Variants in RMDN2 observed in about 807,000 individuals in gnomAD.
The protein encoded by RMDN2 is regulator of microtubule dynamics protein 2.
RMDN2 carries 61 observed loss-of-function variants against 52.8 expected under a neutral mutation model. That is an observed-to-expected ratio of 1.16 (90% CI 0.94 to 1.43). RMDN2 has a LOEUF of 1.43. RMDN2 is among the 40% of genes most tolerant of loss of function. The pLI is 0.00. For missense variants in RMDN2, 592 were observed against 475.3 expected (o/e 1.25, Z -2.28); for synonymous variants, 180 against 153.1 (o/e 1.18, Z -1.30).
At chr2:37,979,744 T>C (rs1673058818) in intron 4 of RMDN2, among the ~76,000 whole-genome samples, 1 of 152,244 alleles carries the variant, frequency 6.6e-6, no homozygotes, top group Non-Finnish European at 1.5e-5. Context: ...CTAGTTTGTA[T>C]ACTACCCGGC....
chr2:37,929,255 A>G lies in RMDN2; in HGVS notation c.-16-7A>G. ...ACATTCATTTACATTTATGTTTTTA[A>G]TTTTAGAAACGAAAACCAAGAAATG... On this transcript the variant is annotated splice_region_variant and splice_polypyrimidine_tract_variant and intron_variant, in intron 1 of 10. Transcript: ENST00000354545. The G allele has an allele frequency of 6.9e-7, 1 of 1,445,558 alleles. No homozygotes were observed. The highest frequency in any genetic ancestry group is 9.3e-7 in the Non-Finnish European group (1 of 1,079,392). The allele number at this position is 1,445,558 out of a possible 1,614,324, so 89.5% of individuals were successfully genotyped here. A position where few individuals can be genotyped will look rare whatever the true frequency, so the allele number is the denominator to read the frequency against.
At chr2:38,024,481 C>T (rs80222733) in intron 10 of RMDN2, among the ~76,000 whole-genome samples, 1,707 of 152,176 alleles carry the variant, frequency 0.011, 24 homozygotes, top group African/African-American at 0.035. Context: ...CTGCACTAGG[C>T]ATGTAGTATA....
At position 37,961,570 on chromosome 2, in the gene RMDN2, G is replaced by A. The variant is rs140293976; in HGVS notation, c.453-12470G>A. Among the ~76,000 whole-genome samples the A allele has an allele frequency of 3.5e-3, 538 of 151,964 alleles. 3 individuals carry two copies. The highest frequency in any genetic ancestry group is 0.022 in the East Asian group (114 of 5,120). On this transcript the variant is annotated intron_variant, in intron 2 of 10. Transcript: ENST00000354545. ...ATTTATGTTCTTCCCTAAACTGGTT[G>A]TTCTAGTTAGCAATTCCTGTAATCT...
At chr2:37,961,217 G>A (rs954027570) in intron 2 of RMDN2, among the ~76,000 whole-genome samples, 1 of 152,024 alleles carries the variant, frequency 6.6e-6, no homozygotes, top group Admixed American at 6.5e-5. Context: ...TGTATTTTCC[G>A]AATTTGAGTG....
Position 38,017,609 on chromosome 2 carries a change from G to T in RMDN2, c.*370G>T, listed in dbSNP as rs1293825195. ...TAAGACAAAATAATTTCATTAATGT[G>T]GATGAAAAATGGAAAACTCAGCAAA... is the stretch of plus-strand genomic sequence containing the variant. On this transcript the variant is annotated 3_prime_UTR_variant, in exon 11 of 11. Coordinates refer to ENST00000354545, the MANE Select transcript of RMDN2 (RefSeq NM_001170791.3). 8.2e-7 allele frequency: 1 copy of T among 1,217,688 alleles called. No homozygotes were observed. Among genetic ancestry groups the T allele is most frequent in the African/African-American group, 1.6e-5 (1 of 63,232 alleles). The allele number at this position is 1,217,688 out of a possible 1,614,324, so 75.4% of individuals were successfully genotyped here. A position where few individuals can be genotyped will look rare whatever the true frequency, so the allele number is the denominator to read the frequency against.
intron 10 of RMDN2, among the ~76,000 whole-genome samples, chr2:38,054,477 A>C (rs1461323807): frequency 6.6e-6 from 1 of 152,266 alleles, no homozygotes; most frequent in Non-Finnish European, 1.5e-5. Context: ...TACACATCAT[A>C]GGTGATGCAT....
intron 10 of RMDN2, among the ~76,000 whole-genome samples, chr2:38,058,590 A>G (rs553416875): frequency 6.6e-6 from 1 of 152,298 alleles, no homozygotes; most frequent in Non-Finnish European, 1.5e-5. Context: ...AACATAAGGA[A>G]CCATAGCTTT....
Position 38,033,639 on chromosome 2 carries a change from A to T in RMDN2, c.1713+29423A>T, listed in dbSNP as rs572119765. On this transcript the variant is annotated intron_variant, in intron 10 of 10. Coordinates refer to the RMDN2 transcript ENST00000234195. ...CGCATAGATTAAAAGACTACATCTGATCTTGCTTCTGTGTTTTCATAGGGC... is the reference window on the plus strand; with the variant it reads ...CGCATAGATTAAAAGACTACATCTGTTCTTGCTTCTGTGTTTTCATAGGGC... 1.2e-4 allele frequency among the ~76,000 whole-genome samples: 19 copies of T among 152,350 alleles called. No homozygotes were observed. In the East Asian group the frequency reaches 3.7e-3, roughly 29 times the overall value.
intron 10 of RMDN2, among the ~76,000 whole-genome samples, chr2:38,057,231 A>G (rs1207854671): frequency 6.6e-6 from 1 of 152,232 alleles, no homozygotes; most frequent in African/African-American, 2.4e-5. Context: ...TAAATATTTC[A>G]GGCTTTGCAG....
chr2:37,963,661 AG>A (rs2125027098), intron 2 of RMDN2, among the ~76,000 whole-genome samples: 1 of 152,354 alleles, frequency 6.6e-6, no homozygotes, highest in East Asian at 1.9e-4. Context: ...CAGCATCCCA[AG>A]GCAGAAGAAT....
intron 2 of RMDN2, among the ~76,000 whole-genome samples, chr2:37,944,995 C>G (rs775978523): frequency 6.6e-6 from 1 of 152,242 alleles, no homozygotes; most frequent in South Asian, 2.1e-4. Flanking sequence ...TTTTTAGTAG[C>G]AGTACACCTT....
At chr2:38,037,208 A>AT (rs755126041) in intron 10 of RMDN2, among the ~76,000 whole-genome samples, 5 of 152,176 alleles carry the variant, frequency 3.3e-5, no homozygotes, top group Non-Finnish European at 5.9e-5. Flanking sequence ...TCTATGCAAG[A>AT]TTTTGTAAGG....
At chr2:38,029,075 T>A (rs1342872481) in intron 10 of RMDN2, among the ~76,000 whole-genome samples, 17 of 151,992 alleles carry the variant, frequency 1.1e-4, no homozygotes, top group Admixed American at 1.1e-3. Flanking sequence ...ACAGCAATAT[T>A]TTCCCACCTT....
chr2:37,977,566 G>A (rs1015246026), intron 4 of RMDN2, among the ~76,000 whole-genome samples: 2 of 151,786 alleles, frequency 1.3e-5, no homozygotes, highest in Admixed American at 6.6e-5. Flanking sequence ...GTTCCCAGAT[G>A]GGGCGGCTGC....
intron 2 of RMDN2, among the ~76,000 whole-genome samples, chr2:37,934,238 G>A (rs1054591613): frequency 6.6e-6 from 1 of 152,190 alleles, no homozygotes; most frequent in Non-Finnish European, 1.5e-5. Flanking sequence ...ACAAAAACTT[G>A]AGTGGAGGAC....
chr2:37,946,163 T>C (rs1257560874), intron 2 of RMDN2, among the ~76,000 whole-genome samples: 4 of 152,240 alleles, frequency 2.6e-5, no homozygotes, highest in Admixed American at 2.0e-4. Context: ...AATCATAATT[T>C]TATTGGCAAC....
chr2:37,993,446 A>G (rs1264731719), intron 7 of RMDN2, among the ~76,000 whole-genome samples: 2 of 152,026 alleles, frequency 1.3e-5, no homozygotes, highest in Non-Finnish European at 2.9e-5. Flanking sequence ...TGGCCACACA[A>G]TATCTTAAAG....
chr2:38,039,099 G>C (rs112405620), intron 10 of RMDN2, among the ~76,000 whole-genome samples: 249 of 102,738 alleles, frequency 2.4e-3, no homozygotes, highest in Middle Eastern at 0.011. Flanking sequence ...CACACAGAGA[G>C]AGAGATAAAA....
chr2:38,035,877 A>T (rs1365105330), intron 10 of RMDN2: 1 of 152,200 alleles, frequency 6.6e-6, no homozygotes, highest in South Asian at 2.1e-4. Flanking sequence ...TCACAACCGT[A>T]TCTGGACACA....
Sources: allele counts gnomAD v4.1 joint callset (sites outside exome capture counted in the v4.1 genomes callset), GRCh38; gene constraint gnomAD v4.1.1; transcripts MANE v1.5; gene names NCBI Gene and HGNC (gene_info 2026-07-23, HGNC 2026-07-21).